ZNF705G: variants seen among roughly 807,000 people sequenced by gnomAD.
The protein encoded by ZNF705G is putative zinc finger protein 705G.
Under a neutral mutation model 19.6 loss-of-function variants are expected in ZNF705G, and 23 were observed. The ratio of observed to expected loss-of-function variants is 1.17; its 90% CI spans 0.84 to 1.66. The LOEUF (loss-of-function observed/expected upper bound fraction) is 1.66. Ranked by LOEUF, ZNF705G falls within the 40% of genes most tolerant of loss-of-function variation. The probability of loss-of-function intolerance (pLI) is 0.00; values close to 1 mark genes in which losing one functional copy is unlikely to be tolerated. For synonymous variants in ZNF705G, 146 were observed against 117.7 expected, an observed-to-expected ratio of 1.24 and a Z score of -1.56; for missense variants, 457 against 354.4, an observed-to-expected ratio of 1.29 and a Z score of -2.32.
chr8:7,378,748 C>G lies in ZNF705G; in HGVS notation c.-72+2704G>C, dbSNP rs534254034. ...CATCATTCTGAATTCATCTTCTCCC[C>G]ACTCTTCCATTTTTTAGGACTCATG... On this transcript the variant is annotated intron_variant, in intron 2 of 6. Coordinates refer to ENST00000400156, the MANE Select transcript of ZNF705G (RefSeq NM_001164457.3). Among the ~76,000 whole-genome samples, 18 of 144,250 alleles carry G rather than the reference C, an allele frequency of 1.2e-4. No individual in the cohort carries two copies. In the South Asian group the frequency reaches 3.7e-3, roughly 29 times the overall value. 94.6% of individuals were successfully genotyped at this position (144,250 alleles called of 152,430 possible).
chr8:7,358,080 G>T lies in ZNF705G; in HGVS notation c.799C>A (p.Gln267Lys). 1 of 1,608,088 alleles carries T rather than the reference G, an allele frequency of 6.2e-7. No homozygotes were observed. Among genetic ancestry groups the T allele is most frequent in the Non-Finnish European group, 8.5e-7 (1 of 1,179,768 alleles). Reference protein sequence around the residue: ...ECDKSGKAFSQSSGFRGNKII... With the variant: ...ECDKSGKAFSKSSGFRGNKII... Reference sequence around the variant, plus strand: ...TTGTTTCCTCTAAAGCCAGAGCTTTGACTAAAGGCTTTCCCACTTTTATCA... The same window carrying T: ...TTGTTTCCTCTAAAGCCAGAGCTTTTACTAAAGGCTTTCCCACTTTTATCA... The change falls in exon 7 of 7, where the codon CAA becomes AAA. Residue 267 changes from glutamine to lysine, a missense_variant. Transcript: ENST00000400156.
In ZNF705G at chr8:7,356,781, T is replaced by C. The variant is rs1471984164; in HGVS notation, c.*1195A>G. On this transcript the variant is annotated 3_prime_UTR_variant, in exon 7 of 7. Coordinates refer to ENST00000400156, the MANE Select transcript of ZNF705G (RefSeq NM_001164457.3). ...GGCCGCATAAATGAAACAAGGGCTT[T>C]GCCAACATACTAAGTTTTTTCAACA... 3 of 149,858 alleles carry C rather than the reference T, an allele frequency of 2.0e-5. No individual in the cohort carries two copies. Among genetic ancestry groups the C allele is most frequent in the South Asian group, 2.1e-4 (1 of 4,780 alleles). 9.3% of individuals were successfully genotyped at this position (149,858 alleles called of 1,614,324 possible).
chr8:7,375,651 TCAAAGACCTCTGAACCGAGAGTAA>T lies in ZNF705G; in HGVS notation c.-72+5777_-72+5800del, dbSNP rs1807221747. The stretch of plus-strand genomic sequence containing the variant: ...GGTATAGTAAAATAGTACACATGAT[TCAAAGACCTCTGAACCGAGAGTAA>T]CAACAAATTTCTGCACAAACATATT... On this transcript the variant is annotated intron_variant, in intron 2 of 6. Transcript: ENST00000400156. Among the ~76,000 whole-genome samples, 2 of 94,734 alleles carry T rather than the reference TCAAAGACCTCTGAACCGAGAGTAA, an allele frequency of 2.1e-5. 1 individual carries two copies. The highest frequency in any genetic ancestry group is 9.7e-5 in the African/African-American group (2 of 20,546). 62.1% of individuals were successfully genotyped at this position (94,734 alleles called of 152,430 possible).
In ZNF705G at chr8:7,355,957, G is replaced by C. The variant is rs1806204117; in HGVS notation, c.*2019C>G. 1 of 149,540 alleles carries C rather than the reference G, an allele frequency of 6.7e-6. No individual in the cohort carries two copies. The highest frequency in any genetic ancestry group is 1.5e-5 in the Non-Finnish European group (1 of 68,026). The allele number at this position is 149,540 out of a possible 1,614,324, so 9.3% of individuals were successfully genotyped here. ...TAGAGATTTTAAAATATAATGATGT[G>C]TCAACTTCAACCATGGATAAGGCCA... On this transcript the variant is annotated 3_prime_UTR_variant, in exon 7 of 7. Transcript: ENST00000400156.
At chr8:7,362,035 T>C (rs1274065963) in intron 3 of ZNF705G, among the ~76,000 whole-genome samples, 2 of 149,578 alleles carry the variant, frequency 1.3e-5, no homozygotes, top group African/African-American at 2.6e-5. Flanking sequence ...TGTTCTCAAC[T>C]TTCTCTCGGC....
At chr8:7,358,642 C>T in intron 6 of ZNF705G, 82 bp from the exon 7 acceptor site, 4 of 1,579,690 alleles carry the variant, frequency 2.5e-6, no homozygotes, top group East Asian at 2.2e-5. Flanking sequence ...AATCCTAGAC[C>T]AACCATTCAG....
At chr8:7,364,269 A>T (rs1806750797) in intron 2 of ZNF705G, among the ~76,000 whole-genome samples, 1 of 149,666 alleles carries the variant, frequency 6.7e-6, no homozygotes, top group Admixed American at 6.6e-5. Flanking sequence ...TTTCCCTGCT[A>T]AAAATATAAA....
intron 1 of ZNF705G, among the ~76,000 whole-genome samples, chr8:7,383,014 T>C: frequency 6.7e-6 from 1 of 148,292 alleles, no homozygotes; most frequent in Non-Finnish European, 1.5e-5. Flanking sequence ...CTCCCACTTA[T>C]AAATGAGAGC....
In ZNF705G at chr8:7,376,013, T is replaced by C. The variant is rs1287753482; in HGVS notation, c.-72+5439A>G. 2.2e-5 allele frequency among the ~76,000 whole-genome samples: 2 copies of C among 89,498 alleles called. 1 individual carries two copies. Among genetic ancestry groups the C allele is most frequent in the Non-Finnish European group, 4.3e-5 (2 of 46,466 alleles). 58.7% of individuals were successfully genotyped at this position (89,498 alleles called of 152,430 possible). ...CTCTTCCAGCTGCAAAGGGCCAATTTTAGCACAAGGCCAGTGGGCTTGGGT... is the reference window on the plus strand; with the variant it reads ...CTCTTCCAGCTGCAAAGGGCCAATTCTAGCACAAGGCCAGTGGGCTTGGGT... On this transcript the variant is annotated intron_variant, in intron 2 of 6. Coordinates refer to ENST00000400156, the MANE Select transcript of ZNF705G (RefSeq NM_001164457.3).
intron 2 of ZNF705G, among the ~76,000 whole-genome samples, chr8:7,369,410 T>A (rs1385240227): frequency 1.3e-5 from 2 of 149,396 alleles, no homozygotes; most frequent in Non-Finnish European, 2.9e-5. Flanking sequence ...ACTGGGGCAC[T>A]GCCTAGTGGA....
chr8:7,382,295 T>A (rs950879187), intron 1 of ZNF705G, among the ~76,000 whole-genome samples: 1 of 148,122 alleles, frequency 6.8e-6, no homozygotes, highest in Admixed American at 6.6e-5. Flanking sequence ...GTTCCATCTA[T>A]GGACTCATGA....
intron 2 of ZNF705G, among the ~76,000 whole-genome samples, chr8:7,365,327 A>G (rs1374077168): frequency 6.7e-6 from 1 of 149,338 alleles, no homozygotes; most frequent in African/African-American, 2.6e-5. Context: ...GGTGACTTCA[A>G]GATGAGAGCC....
At position 7,357,994 on chromosome 8, in the gene ZNF705G, C is replaced by G; in HGVS notation, c.885G>C (p.Leu295=). ...TCTCATGTCATCTAAGGTTGGAAGA[C>G]AGACTGAAGGCCTTCCCACATAGAA... ...ACLLCGKAFS[L]SSNLR Residue 295 remains leucine (L), a synonymous_variant, in exon 7 of 7, where the codon CTG becomes CTC. Coordinates refer to ENST00000400156, the MANE Select transcript of ZNF705G (RefSeq NM_001164457.3). The G allele has an allele frequency of 1.2e-6, 2 of 1,609,246 alleles. No individual in the cohort carries two copies. Among genetic ancestry groups the G allele is most frequent in the Non-Finnish European group, 1.7e-6 (2 of 1,179,794 alleles).
intron 2 of ZNF705G, among the ~76,000 whole-genome samples, chr8:7,371,485 A>AAAAT (rs1807097614): frequency 8.9e-6 from 1 of 112,152 alleles, no homozygotes; most frequent in Admixed American, 9.9e-5. Context: ...CTTACCAAAA[A>AAAAT]AATAATAATA....
intron 4 of ZNF705G, among the ~76,000 whole-genome samples, chr8:7,360,646 A>T (rs1164014398): frequency 2.7e-5 from 4 of 149,538 alleles, no homozygotes; most frequent in Non-Finnish European, 5.9e-5. Context: ...ATATCTCTGC[A>T]CAGTGTGTTT....
rs1235383302 is a variant in ZNF705G at position 7,355,788 on chromosome 8, A to G, written c.*2188T>C. On this transcript the variant is annotated 3_prime_UTR_variant, in exon 7 of 7. Transcript: ENST00000400156. Reference sequence around the variant, plus strand: ...GTGGGTAAATTACATATTTAATTAAATAGATTAAACAATAAATAATGATAT... The same window carrying G: ...GTGGGTAAATTACATATTTAATTAAGTAGATTAAACAATAAATAATGATAT... 4 of 149,574 alleles carry G rather than the reference A, an allele frequency of 2.7e-5. No homozygotes were observed. The highest frequency in any genetic ancestry group is 1.0e-4 in the African/African-American group (4 of 38,982). The allele number at this position is 149,574 out of a possible 1,614,324, so 9.3% of individuals were successfully genotyped here. A position where few individuals can be genotyped will look rare whatever the true frequency, so the allele number is the denominator to read the frequency against.
chr8:7,370,315 A>C (rs2128842490), intron 2 of ZNF705G, among the ~76,000 whole-genome samples: 1 of 149,084 alleles, frequency 6.7e-6, no homozygotes, highest in African/African-American at 2.6e-5. Context: ...ATTTCCCAGA[A>C]GAACAGATAC....
Position 7,357,714 on chromosome 8 carries a change from C to G in ZNF705G, c.*262G>C. ...GAATAAAGGTAACTGAAGTATCTTC[C>G]ATGTTGATTACAGTATTTCTTCAAA... On this transcript the variant is annotated 3_prime_UTR_variant, in exon 7 of 7. Transcript: ENST00000400156. 1 of 625,842 alleles carries G rather than the reference C, an allele frequency of 1.6e-6. No individual in the cohort carries two copies. The highest frequency in any genetic ancestry group is 2.6e-6 in the Non-Finnish European group (1 of 378,326). The allele number at this position is 625,842 out of a possible 1,614,324, so 38.8% of individuals were successfully genotyped here.
At chr8:7,370,808 CA>C (rs965586586) in intron 2 of ZNF705G, among the ~76,000 whole-genome samples, 30 of 110,066 alleles carry the variant, frequency 2.7e-4, no homozygotes, top group Non-Finnish European at 1.3e-4. Context: ...GACATGGAAT[CA>C]ACCCGAATGT....
Sources: allele counts gnomAD v4.1 joint callset (sites outside exome capture counted in the v4.1 genomes callset), GRCh38; gene constraint gnomAD v4.1.1; transcripts MANE v1.5; gene names NCBI Gene and HGNC (gene_info 2026-07-23, HGNC 2026-07-21).